DPYS: variants seen among roughly 807,000 people sequenced by gnomAD.
The protein encoded by DPYS is dihydropyrimidinase, also known as dihydropyrimidine amidohydrolase.
In DPYS, 39 loss-of-function variants were observed where a neutral mutation model predicts 50.3. The ratio of observed to expected loss-of-function variants is 0.78; its 90% CI spans 0.60 to 1.01. DPYS has a LOEUF of 1.01. DPYS is among the 50% of genes least tolerant of loss of function. DPYS has a pLI of 0.00. For synonymous variants in DPYS, 245 were observed against 250.7 expected (o/e 0.98, Z 0.22); for missense variants, 659 against 680.9 (o/e 0.97, Z 0.36).
chr8:104,422,361 T>G (rs892596601), intron 7 of DPYS, among the ~76,000 whole-genome samples: 8 of 152,132 alleles, frequency 5.3e-5, no homozygotes, highest in African/African-American at 1.9e-4. Context: ...ATCAAGAAAA[T>G]TATAAAGTGC....
chr8:104,406,160 T>G (rs1203698123), intron 7 of DPYS, among the ~76,000 whole-genome samples: 1 of 152,192 alleles, frequency 6.6e-6, no homozygotes, highest in African/African-American at 2.4e-5. Flanking sequence ...CCTCCTTGCC[T>G]GCCCTTCTAA....
At chr8:104,429,052 A>C (rs373978807) in intron 5 of DPYS, 1 of 162,340 alleles carries the variant, frequency 6.2e-6, no homozygotes, top group Admixed American at 5.9e-5. Context: ...GCTTGTCTCA[A>C]ACTCCTGGCC....
At chr8:104,398,800 CT>C (rs1326837242) in intron 7 of DPYS, among the ~76,000 whole-genome samples, 10 of 152,296 alleles carry the variant, frequency 6.6e-5, no homozygotes, top group African/African-American at 2.4e-4. Context: ...AAAACTCACC[CT>C]ATGCCTTTAT....
chr8:104,383,761 C>T (rs761199814), intron 8 of DPYS, among the ~76,000 whole-genome samples: 7 of 152,148 alleles, frequency 4.6e-5, no homozygotes, highest in Non-Finnish European at 7.3e-5. Context: ...ACCACCATGG[C>T]CAGCTAATTT....
At chr8:104,383,353 C>T (rs59300242) in intron 8 of DPYS, among the ~76,000 whole-genome samples, 10,377 of 152,232 alleles carry the variant, frequency 0.068, 567 homozygotes, top group African/African-American at 0.15. Flanking sequence ...CTTGCTTACC[C>T]CAGGTTTCTG....
At chr8:104,460,388 G>A (rs76792003) in intron 1 of DPYS, among the ~76,000 whole-genome samples, 7,347 of 152,148 alleles carry the variant, frequency 0.048, 227 homozygotes, top group South Asian at 0.076. Context: ...TCTCTCTCCT[G>A]CCACCATGTG....
intron 4 of DPYS, among the ~76,000 whole-genome samples, chr8:104,436,672 T>TA (rs1011856590): frequency 8.0e-5 from 12 of 150,668 alleles, no homozygotes; most frequent in Non-Finnish European, 1.0e-4. Flanking sequence ...AGAAGAGAAT[T>TA]AAAAAAAAAT....
chr8:104,458,063 G>A (rs1813989459), intron 1 of DPYS, among the ~76,000 whole-genome samples: 1 of 152,088 alleles, frequency 6.6e-6, no homozygotes, highest in South Asian at 2.1e-4. Flanking sequence ...AAAGGAAGAG[G>A]GCCATAAAGA....
intron 2 of DPYS, among the ~76,000 whole-genome samples, chr8:104,448,944 T>A (rs187237955): frequency 6.6e-6 from 1 of 152,328 alleles, no homozygotes; most frequent in East Asian, 1.9e-4. Flanking sequence ...CACCAGGATT[T>A]CAGCCCCATG....
At chr8:104,424,622 C>A (rs901020819) in intron 6 of DPYS, among the ~76,000 whole-genome samples, 1 of 152,138 alleles carries the variant, frequency 6.6e-6, no homozygotes. Flanking sequence ...TACTTAGCAT[C>A]CACACTAATT....
At chr8:104,466,551 G>T in intron 1 of DPYS, 106 bp downstream of exon 1, 1 of 1,286,180 alleles carries the variant, frequency 7.8e-7, no homozygotes, top group Non-Finnish European at 1.0e-6. Context: ...CCAGCTCCTC[G>T]GCGCCGCGCC....
chr8:104,423,641 C>T (rs1323416997), intron 7 of DPYS, among the ~76,000 whole-genome samples: 1 of 152,172 alleles, frequency 6.6e-6, no homozygotes, highest in African/African-American at 2.4e-5. Flanking sequence ...GCAGGTGTTG[C>T]CTGTACTAAC....
chr8:104,405,318 C>T (rs1213967660), intron 7 of DPYS, among the ~76,000 whole-genome samples: 1 of 152,194 alleles, frequency 6.6e-6, no homozygotes, highest in East Asian at 1.9e-4. Context: ...AGAAATCAAA[C>T]TTAGCAGGTT....
At chr8:104,392,246 G>A (rs917701649) in intron 8 of DPYS, among the ~76,000 whole-genome samples, 2 of 152,138 alleles carry the variant, frequency 1.3e-5, no homozygotes, top group Non-Finnish European at 2.9e-5. Context: ...CCAATGACTG[G>A]GCCTGGCCTG....
intron 1 of DPYS, among the ~76,000 whole-genome samples, chr8:104,458,773 T>C (rs1160265525): frequency 6.6e-6 from 1 of 152,244 alleles, no homozygotes; most frequent in African/African-American, 2.4e-5. Context: ...CCCTGTAGTT[T>C]CCTAGATCCT....
At chr8:104,395,466 G>T (rs577502528) in intron 7 of DPYS, among the ~76,000 whole-genome samples, 1 of 151,986 alleles carries the variant, frequency 6.6e-6, no homozygotes, top group Non-Finnish European at 1.5e-5. Flanking sequence ...CTGTAGTCAC[G>T]CCCTCCCCCA....
chr8:104,430,253 G>T (rs1320623579), intron 4 of DPYS, among the ~76,000 whole-genome samples: 1 of 151,608 alleles, frequency 6.6e-6, no homozygotes, highest in Non-Finnish European at 1.5e-5. Context: ...ATCTTTTCAT[G>T]CCCTTGAAAA....
chr8:104,451,176 C>A (rs1233425690), intron 2 of DPYS, 70 bp downstream of exon 2: 9 of 1,596,208 alleles, frequency 5.6e-6, no homozygotes, highest in Non-Finnish European at 7.7e-6. Context: ...TCAATGTCAC[C>A]AGTTTCTTGC....
chr8:104,384,132 G>A (rs928712707), intron 8 of DPYS, among the ~76,000 whole-genome samples: 19 of 152,146 alleles, frequency 1.2e-4, no homozygotes, highest in African/African-American at 4.1e-4. Context: ...CCACACCTGC[G>A]TGCACGGCCA....
Sources: allele counts gnomAD v4.1 joint callset (sites outside exome capture counted in the v4.1 genomes callset), GRCh38; gene constraint gnomAD v4.1.1; transcripts MANE v1.5; gene names NCBI Gene and HGNC (gene_info 2026-07-23, HGNC 2026-07-21).